The following PPFIBP2 variants were observed in gnomAD, a reference collection of about 807,000 sequenced individuals.
The protein encoded by PPFIBP2 is PPFIB scaffold protein 2.
A neutral mutation model predicts 118.3 loss-of-function variants in PPFIBP2; 118 were observed. The observed-to-expected ratio is 1.00, with a 90% CI of 0.86 to 1.16. The LOEUF is 1.16. Ranked by LOEUF, PPFIBP2 falls within the 50% of genes most tolerant of loss-of-function variation. The probability of loss-of-function intolerance (pLI) is 0.00; values close to 1 mark genes in which losing one functional copy is unlikely to be tolerated. For synonymous variants in PPFIBP2, 414 were observed against 397.4 expected (o/e 1.04, Z -0.50); for missense variants, 1,195 against 1,073.1 (o/e 1.11, Z -1.59).
At position 7,624,512 on chromosome 11, in the gene PPFIBP2, C is replaced by G. The variant is rs138490587; in HGVS notation, c.712-1265C>G. On this transcript the variant is annotated intron_variant, in intron 7 of 23. Coordinates refer to ENST00000299492, the MANE Select transcript of PPFIBP2 (RefSeq NM_003621.5). ...GGGTTGGTCAGATATTAACTTGGGC[C>G]TTTGTGGAATTGAACAGCCCATACT... 4.1e-3 allele frequency among the ~76,000 whole-genome samples: 631 copies of G among 152,234 alleles called. 3 individuals are homozygous for G. Among genetic ancestry groups the G allele is most frequent in the African/African-American group, 0.014 (587 of 41,534 alleles).
At chr11:7,639,175 CT>C (rs1360950392) in intron 14 of PPFIBP2, among the ~76,000 whole-genome samples, 1 of 152,166 alleles carries the variant, frequency 6.6e-6, no homozygotes, top group African/African-American at 2.4e-5. Context: ...GAGATCTGCC[CT>C]TTTCTGGTCT....
the PPFIBP2 span, chr11:7,666,496 G>A: frequency 1.2e-6 from 2 of 1,613,470 alleles, no homozygotes; most frequent in African/African-American, 2.7e-5. Context: ...AACTGGTCTG[G>A]GTGAGTCCTG....
chr11:7,567,901 A>G (rs1855187838), intron 3 of PPFIBP2, among the ~76,000 whole-genome samples: 1 of 152,202 alleles, frequency 6.6e-6, no homozygotes, highest in African/African-American at 2.4e-5. Flanking sequence ...AAGCACATTA[A>G]AGTTTAAGAA....
At chr11:7,617,135 G>C (rs181038346) in intron 6 of PPFIBP2, 1 of 985,228 alleles carries the variant, frequency 1.0e-6, no homozygotes, top group Non-Finnish European at 1.2e-6. Context: ...TGATCAGTGA[G>C]CTGCAGGAGC....
At chr11:7,665,483 G>A in the PPFIBP2 span, 33 of 1,613,824 alleles carry the variant, frequency 2.0e-5, no homozygotes, top group South Asian at 1.3e-4. Flanking sequence ...CGTGGACTTC[G>A]CTGGAGGAGG....
At chr11:7,559,029 C>A (rs189865510) in intron 2 of PPFIBP2, among the ~76,000 whole-genome samples, 4 of 152,004 alleles carry the variant, frequency 2.6e-5, no homozygotes, top group Non-Finnish European at 4.4e-5. Context: ...AAATTAGAAT[C>A]CCTGGAGGAG....
chr11:7,640,932 ACT>A (rs1422993547), intron 15 of PPFIBP2: 1 of 964,740 alleles, frequency 1.0e-6, no homozygotes. Context: ...GCTCGATGAC[ACT>A]CTTTTGTTTA....
At chr11:7,612,976 T>G (rs1430411379) in intron 6 of PPFIBP2, among the ~76,000 whole-genome samples, 4 of 152,218 alleles carry the variant, frequency 2.6e-5, no homozygotes, top group Admixed American at 6.5e-5. Context: ...CACCAGAGGT[T>G]GTAATTGCAT....
intron 1 of PPFIBP2, among the ~76,000 whole-genome samples, chr11:7,534,400 T>C (rs61890187): frequency 0.035 from 5,282 of 152,342 alleles, 135 homozygotes; most frequent in Non-Finnish European, 0.057. Context: ...TTTGGAAATA[T>C]TCACTTTGAG....
chr11:7,646,800 A>G (rs543579143), intron 17 of PPFIBP2, among the ~76,000 whole-genome samples: 103 of 152,354 alleles, frequency 6.8e-4, no homozygotes, highest in African/African-American at 2.3e-3. Context: ...CCCTGTCTCA[A>G]AAAAGAATCA....
At chr11:7,627,996 GT>G (rs1418326807) in intron 8 of PPFIBP2, among the ~76,000 whole-genome samples, 1 of 152,190 alleles carries the variant, frequency 6.6e-6, no homozygotes, top group African/African-American at 2.4e-5. Flanking sequence ...GGAGATGTTG[GT>G]TTTGAAAGAT....
chr11:7,600,649 C>G (rs10839818), intron 5 of PPFIBP2, among the ~76,000 whole-genome samples: 15,076 of 152,270 alleles, frequency 0.099, 821 homozygotes, highest in Non-Finnish European at 0.11. Flanking sequence ...AATCCTTTCA[C>G]TGTCTCAGTG....
At chr11:7,523,754 G>A (rs116949961) in intron 1 of PPFIBP2, among the ~76,000 whole-genome samples, 292 of 152,310 alleles carry the variant, frequency 1.9e-3, no homozygotes, top group Non-Finnish European at 3.7e-3. Context: ...GGTCGCTGTG[G>A]TGTTCCCAGG....
Position 7,653,471 on chromosome 11 carries a change from A to G in PPFIBP2, c.*253A>G. The G allele has an allele frequency of 6.8e-7, 1 of 1,469,500 alleles. No homozygotes were observed. The highest frequency in any genetic ancestry group is 9.0e-7 in the Non-Finnish European group (1 of 1,105,320). 91.0% of individuals were successfully genotyped at this position (1,469,500 alleles called of 1,614,324 possible). A position where few individuals can be genotyped will look rare whatever the true frequency, so the allele number is the denominator to read the frequency against. On this transcript the variant is annotated 3_prime_UTR_variant, in exon 24 of 24. Transcript: ENST00000299492. Reference sequence around the variant, plus strand: ...GAAAGACACTTAAAGACACTTTTACATGTCTAGTAATTCTTGATGTTCATC... The same window carrying G: ...GAAAGACACTTAAAGACACTTTTACGTGTCTAGTAATTCTTGATGTTCATC...
At chr11:7,583,554 G>A (rs1857586992) in intron 3 of PPFIBP2, among the ~76,000 whole-genome samples, 1 of 152,134 alleles carries the variant, frequency 6.6e-6, no homozygotes, top group Non-Finnish European at 1.5e-5. Context: ...TCTCATTACA[G>A]GATACCAGCA....
intron 4 of PPFIBP2, chr11:7,597,188 T>A: frequency 1.4e-6 from 2 of 1,477,882 alleles, no homozygotes; most frequent in Non-Finnish European, 1.8e-6. Context: ...CACACGAGGT[T>A]GCAGAAGTGC....
rs371983024 is a variant in PPFIBP2, at chr11:7,602,631, A to G, written c.486+4958A>G. The stretch of plus-strand genomic sequence containing the variant: ...GATATAATCAATGTAAACAGAAACA[A>G]TGTTCAATGTCAAAACAACACAGGG... On this transcript the variant is annotated intron_variant, in intron 5 of 23. Coordinates refer to ENST00000299492, the MANE Select transcript of PPFIBP2 (RefSeq NM_003621.5). Among the ~76,000 whole-genome samples the G allele has an allele frequency of 5.3e-5, 8 of 152,324 alleles. 1 individual carries two copies. Among genetic ancestry groups the G allele is most frequent in the African/African-American group, 9.6e-5 (4 of 41,578 alleles).
intron 2 of PPFIBP2, among the ~76,000 whole-genome samples, chr11:7,549,815 G>A (rs534491624): frequency 6.6e-6 from 1 of 152,170 alleles, no homozygotes; most frequent in Non-Finnish European, 1.5e-5. Flanking sequence ...CTGTGAGGCA[G>A]TTTGGGTTCA....
At position 7,520,547 on chromosome 11, in the gene PPFIBP2, T is replaced by C. The variant is rs530738221; in HGVS notation, c.-37+6426T>C. On this transcript the variant is annotated intron_variant, in intron 1 of 23. Transcript: ENST00000299492. ...TCCTGAAATGCAAATCTGTTCATGA[T>C]GCTGTCGTGTTTGAAATCCTCTGGT... 3.9e-5 allele frequency among the ~76,000 whole-genome samples: 6 copies of C among 152,096 alleles called. No individual in the cohort carries two copies. The South Asian group carries it at 1.0e-3, about 26-fold the overall frequency.
Sources: allele counts gnomAD v4.1 joint callset (sites outside exome capture counted in the v4.1 genomes callset), GRCh38; gene constraint gnomAD v4.1.1; transcripts MANE v1.5; gene names NCBI Gene and HGNC (gene_info 2026-07-23, HGNC 2026-07-21).